The following ADGRL2 variants were observed in gnomAD, a reference collection of about 807,000 sequenced individuals.
ADGRL2 encodes calcium-independent alpha-latrotoxin receptor 2.
ADGRL2 carries 44 observed loss-of-function variants against 157.4 expected under a neutral mutation model. That is an observed-to-expected ratio of 0.28 (90% CI 0.22 to 0.36). ADGRL2 has a LOEUF of 0.36. Ranked by LOEUF, ADGRL2 falls within the 10% of genes least tolerant of loss-of-function variation. The pLI is 1.00. For missense variants in ADGRL2, 1,510 were observed against 1,768.9 expected, an observed-to-expected ratio of 0.85 and a Z score of 2.63; for synonymous variants, 585 against 624.7, an observed-to-expected ratio of 0.94 and a Z score of 0.95.
chr1:81,342,552 A>T (rs1308586084), intron 1 of ADGRL2, among the ~76,000 whole-genome samples: 1 of 152,218 alleles, frequency 6.6e-6, no homozygotes, highest in Non-Finnish European at 1.5e-5. Flanking sequence ...CAATTTAGTC[A>T]TAATTTTAAC....
chr1:81,469,740 G>C (rs1207665768), intron 2 of ADGRL2, among the ~76,000 whole-genome samples: 1 of 151,746 alleles, frequency 6.6e-6, no homozygotes, highest in Non-Finnish European at 1.5e-5. Flanking sequence ...TCAGACTCTA[G>C]TTTTCTATCT....
chr1:81,650,345 G>A (rs928599762), intron 3 of ADGRL2, among the ~76,000 whole-genome samples: 1 of 152,020 alleles, frequency 6.6e-6, no homozygotes, highest in Admixed American at 6.5e-5. Flanking sequence ...GCCGAGGCAG[G>A]AGGATCACAA....
At chr1:81,839,086 C>T (rs145126296) in intron 2 of ADGRL2, among the ~76,000 whole-genome samples, 47 of 152,078 alleles carry the variant, frequency 3.1e-4, no homozygotes, top group African/African-American at 1.1e-3. Context: ...TAGAGAAAGC[C>T]AATCAACATT....
chr1:81,433,057 TA>T (rs1391700892), intron 1 of ADGRL2, among the ~76,000 whole-genome samples: 1 of 152,158 alleles, frequency 6.6e-6, no homozygotes, highest in African/African-American at 2.4e-5. Context: ...TGTTTAATGC[TA>T]TCAGGCTACA....
At chr1:81,861,009 AC>A (rs1347855582) in intron 2 of ADGRL2, among the ~76,000 whole-genome samples, 1 of 140,362 alleles carries the variant, frequency 7.1e-6, no homozygotes, top group Non-Finnish European at 1.5e-5. Context: ...TACATATTTC[AC>A]TGACTTTTTT....
chr1:81,402,067 G>A (rs2076766386), intron 1 of ADGRL2, among the ~76,000 whole-genome samples: 1 of 133,674 alleles, frequency 7.5e-6, no homozygotes, highest in East Asian at 2.2e-4. Context: ...TTTAGCAGAT[G>A]GCATACTTCC....
chr1:81,859,918 G>GT (rs1020179294), intron 2 of ADGRL2, among the ~76,000 whole-genome samples: 20 of 148,184 alleles, frequency 1.3e-4, no homozygotes, highest in Non-Finnish European at 1.6e-4. Context: ...ATGTTTCACT[G>GT]TTTTTTTTTT....
chr1:81,328,830 C>A (rs1428520996), intron 1 of ADGRL2, among the ~76,000 whole-genome samples: 2 of 151,984 alleles, frequency 1.3e-5, no homozygotes, highest in Non-Finnish European at 2.9e-5. Context: ...ATTTGACACA[C>A]AATTGAATCA....
rs557762369 is a variant in ADGRL2 at position 81,747,486 on chromosome 1, G to A, written c.-142-14325G>A. On this transcript the variant is annotated intron_variant, in intron 1 of 20. Coordinates refer to the ADGRL2 transcript ENST00000359929. ...CAGCTAATTGTTTGTATTTTTAGTA[G>A]AGACGGGGTTTCATCATGTTCCCCA... 7.9e-5 allele frequency among the ~76,000 whole-genome samples: 12 copies of A among 151,902 alleles called. No individual in the cohort carries two copies. In the South Asian group the frequency reaches 2.5e-3, roughly 32 times the overall value.
At chr1:81,522,481 G>A (rs1371135019) in intron 2 of ADGRL2, among the ~76,000 whole-genome samples, 1 of 152,166 alleles carries the variant, frequency 6.6e-6, no homozygotes, top group Non-Finnish European at 1.5e-5. Flanking sequence ...TCTCCATTTG[G>A]TGAGTGCACA....
At chr1:81,318,549 T>C (rs1374224919) in intron 1 of ADGRL2, among the ~76,000 whole-genome samples, 1 of 152,142 alleles carries the variant, frequency 6.6e-6, no homozygotes, top group Non-Finnish European at 1.5e-5. Context: ...ATTCAGCCTA[T>C]AGGCACATAA....
chr1:81,615,701 C>T (rs1233893193), intron 3 of ADGRL2, among the ~76,000 whole-genome samples: 2 of 152,162 alleles, frequency 1.3e-5, no homozygotes, highest in African/African-American at 4.8e-5. Context: ...CTTCAAGGAG[C>T]ATTATTTGAG....
At chr1:81,551,269 A>G (rs2080138883) in intron 2 of ADGRL2, among the ~76,000 whole-genome samples, 2 of 152,260 alleles carry the variant, frequency 1.3e-5, no homozygotes, top group Admixed American at 6.5e-5. Flanking sequence ...TCTGCTAAAG[A>G]CTAGCCCTGA....
At chr1:81,918,532 A>T (rs2094910703) in intron 3 of ADGRL2, among the ~76,000 whole-genome samples, 1 of 152,180 alleles carries the variant, frequency 6.6e-6, no homozygotes. Flanking sequence ...CCAATGTACC[A>T]TACTTTCCCC....
At chr1:81,374,135 G>A (rs1294368038) in intron 1 of ADGRL2, among the ~76,000 whole-genome samples, 2 of 152,058 alleles carry the variant, frequency 1.3e-5, no homozygotes, top group East Asian at 3.9e-4. Flanking sequence ...GAACATGTAA[G>A]CTTAGCTATA....
chr1:81,713,988 G>C (rs2084024030), intron 1 of ADGRL2, among the ~76,000 whole-genome samples: 1 of 152,164 alleles, frequency 6.6e-6, no homozygotes, highest in African/African-American at 2.4e-5. Flanking sequence ...TGAAGGAGGA[G>C]AAAAAGCGTT....
rs1007381131 is a variant in ADGRL2 at position 81,642,330 on chromosome 1, A to C, written c.-143+61350A>C. Among the ~76,000 whole-genome samples, 5 of 150,896 alleles carry C rather than the reference A, an allele frequency of 3.3e-5. No homozygotes were observed. The East Asian group carries it at 9.7e-4, about 29-fold the overall frequency. ...AGCTGCTTGGGAGAATGAGGCAGGA[A>C]AATCACTTGAACCCAGGAGGCAGAG... On this transcript the variant is annotated intron_variant, in intron 3 of 24. Transcript: ENST00000370721.
chr1:81,985,212 T>G (rs1352103207), intron 20 of ADGRL2, 47 bp from the exon 21 acceptor site: 2 of 1,124,678 alleles, frequency 1.8e-6, no homozygotes, highest in Non-Finnish European at 2.7e-6. Flanking sequence ...AAGGTAAGTT[T>G]GGGGAAACTA....
At position 81,981,917 on chromosome 1, in the gene ADGRL2, A is replaced by G. The variant is rs576653196; in HGVS notation, c.3223A>G (p.Ile1075Val). The G allele has an allele frequency of 9.9e-6, 16 of 1,612,450 alleles. No homozygotes were observed. Among genetic ancestry groups the G allele is most frequent in the East Asian group, 6.7e-5 (3 of 44,820 alleles). The part of the protein sequence containing the change: ...ETIVMAYLFT[I>V]FNAFQGVFIF... Reference sequence around the variant, plus strand: ...TATTGTGATGGCATATCTCTTCACTATATTTAATGCTTTCCAGGGAGTGTT... The same window carrying G: ...TATTGTGATGGCATATCTCTTCACTGTATTTAATGCTTTCCAGGGAGTGTT... The change falls in exon 19 of 24, where the codon ATA becomes GTA. Residue 1075 changes from isoleucine to valine, a missense_variant. This residue lies in a region of ADGRL2 where 497 missense variants were observed against 627.2 expected (regional missense o/e 0.79). Transcript: ENST00000686636.
Sources: gnomAD v4.1 joint callset for allele counts (sites outside exome capture counted in the v4.1 genomes callset) on GRCh38, gnomAD v4.1.1 for gene constraint, gnomAD v4.1.1 regional missense constraint, MANE v1.5 for transcripts, NCBI Gene and HGNC (gene_info 2026-07-23, HGNC 2026-07-21) for gene names.